The following POLD1 variants were observed in gnomAD, a reference collection of about 807,000 sequenced individuals.
The protein encoded by POLD1 is DNA polymerase delta catalytic subunit.
In POLD1, 79 loss-of-function variants were observed where a neutral mutation model predicts 129.7. The ratio of observed to expected loss-of-function variants is 0.61; its 90% CI spans 0.51 to 0.73. The LOEUF (loss-of-function observed/expected upper bound fraction) is 0.73, where lower values mean the gene tolerates loss of function less well. Among genes scored for constraint, POLD1 ranks in the 30% least tolerant of loss-of-function variants. The probability of loss-of-function intolerance (pLI) is 0.00; values close to 1 mark genes in which losing one functional copy is unlikely to be tolerated. For synonymous variants in POLD1, 714 were observed against 683.3 expected, an observed-to-expected ratio of 1.04 and a Z score of -0.70; for missense variants, 1,338 against 1,595.8, an observed-to-expected ratio of 0.84 and a Z score of 2.75.
chr19:50,401,602 A>C (rs1262184443), intron 3 of POLD1, among the ~76,000 whole-genome samples, 176 bp from the exon 4 acceptor site: 2 of 151,634 alleles, frequency 1.3e-5, no homozygotes, highest in Non-Finnish European at 2.9e-5. Context: ...TGGAGAATGG[A>C]TCCTGGGGGA....
chr19:50,401,999 G>C lies in POLD1; in HGVS notation c.464G>C (p.Gly155Ala), dbSNP rs553279670. ...CCTCTGATCATCCCTCCCACACCAG[G>C]TTTCGGGCCCGAGCACATGGGTGAC... ...APYFYTPAPP[G>A]FGPEHMGDLQ... Residue 155 changes from glycine (G) to alanine (A), a missense_variant and splice_region_variant, in exon 5 of 27, where the codon GGT (glycine) becomes GCT (alanine). Gly to Ala is a moderately conservative substitution (Grantham distance 60). Coordinates refer to ENST00000440232, the MANE Select transcript of POLD1 (RefSeq NM_002691.4). 9 of 1,614,092 alleles carry C rather than the reference G, an allele frequency of 5.6e-6. No individual in the cohort carries two copies. In the South Asian group the frequency reaches 8.8e-5, roughly 16 times the overall value.
chr19:50,411,403 C>T (rs1159454353), intron 17 of POLD1, among the ~76,000 whole-genome samples: 1 of 152,174 alleles, frequency 6.6e-6, no homozygotes, highest in Non-Finnish European at 1.5e-5. Context: ...TTGGCCCTCC[C>T]CTGGGGCTGC....
chr19:50,398,771 T>G lies in POLD1; in HGVS notation c.-1-80T>G, dbSNP rs2038464310. The G allele has an allele frequency of 2.6e-6, 4 of 1,540,768 alleles. No homozygotes were observed. In the South Asian group the frequency reaches 3.6e-5, roughly 14 times the overall value. On this transcript the variant is annotated intron_variant, in intron 1 of 26. Transcript: ENST00000440232. ...AGTAGGAAAAGGCTCGTGGTCATGGTGGGTGCATGGGATGCCATGGAGACA... is the reference window on the plus strand; with the variant it reads ...AGTAGGAAAAGGCTCGTGGTCATGGGGGGTGCATGGGATGCCATGGAGACA...
Position 50,406,994 on chromosome 19 carries a change from C to A in POLD1, c.1506C>A (p.Asp502Glu), listed in dbSNP as rs753870010. 1.2e-6 allele frequency: 2 copies of A among 1,601,822 alleles called. No individual in the cohort carries two copies. Among genetic ancestry groups the A allele is most frequent in the African/African-American group, 1.3e-5 (1 of 74,662 alleles). Residue 502 changes from aspartate to glutamate, a missense_variant, in exon 13 of 27, where the codon GAC (aspartate) becomes GAA (glutamate). Physicochemically the swap from Asp to Glu is conservative, Grantham distance 45 (BLOSUM62 2). This residue lies in a region of POLD1 where 720 missense variants were observed against 1,002.6 expected (regional missense o/e 0.72). Transcript: ENST00000440232. This position sits in a 1 kb window ranked among gnomAD's most constrained non-coding sequence, Gnocchi z 5.5. ...GTGCCCATCCCCAGAATGGGAACGACCAGACCCGCCGCCGCCTGGCTGTGT... is the reference window on the plus strand; with the variant it reads ...GTGCCCATCCCCAGAATGGGAACGAACAGACCCGCCGCCGCCTGGCTGTGT... ...SIITDLQNGN[D>E]QTRRRLAVYC...
In POLD1 at chr19:50,418,010, T is replaced by C. The variant is rs2039401019; in HGVS notation, c.*63T>C. 2.0e-6 allele frequency: 2 copies of C among 1,012,906 alleles called. No individual in the cohort carries two copies. Among genetic ancestry groups the C allele is most frequent in the East Asian group, 2.6e-5 (1 of 38,752 alleles). 62.7% of individuals were successfully genotyped at this position (1,012,906 alleles called of 1,614,324 possible). On this transcript the variant is annotated 3_prime_UTR_variant, in exon 27 of 27. Transcript: ENST00000440232. This position sits in a 1 kb window ranked among gnomAD's most constrained non-coding sequence, Gnocchi z 6.0. Reference sequence around the variant, plus strand: ...GAGAATTAATAAAGTTCTGGACTTTTGCTATATGGTGCTTTGTGGTCTCTG... The same window carrying C: ...GAGAATTAATAAAGTTCTGGACTTTCGCTATATGGTGCTTTGTGGTCTCTG...
chr19:50,396,551 C>T (rs1000144461), intron 1 of POLD1, among the ~76,000 whole-genome samples: 2 of 151,690 alleles, frequency 1.3e-5, no homozygotes, highest in African/African-American at 4.9e-5. Flanking sequence ...AATCTCAGCT[C>T]ACTGCATGCT....
intron 22 of POLD1, 59 bp from the exon 23 acceptor site, chr19:50,416,337 C>T (rs1303885876): frequency 8.5e-6 from 13 of 1,530,132 alleles, no homozygotes; most frequent in East Asian, 2.5e-5. Context: ...ATGACCACCC[C>T]GTGTCCACCC....
At chr19:50,408,610 T>C (rs763499753) in intron 14 of POLD1, 175 bp from the exon 15 acceptor site, 6 of 980,066 alleles carry the variant, frequency 6.1e-6, no homozygotes, top group Middle Eastern at 3.2e-4. Context: ...CTGAAACTCC[T>C]GAGTTCAAGC....
At chr19:50,398,827 A>C in intron 1 of POLD1, 24 bp from the exon 2 acceptor site, 1 of 1,604,490 alleles carries the variant, frequency 6.2e-7, no homozygotes, top group East Asian at 2.2e-5. Context: ...CAGAACCTCC[A>C]CCAAGCTCCA....
intron 17 of POLD1, among the ~76,000 whole-genome samples, chr19:50,410,233 A>G (rs764329269): frequency 2.2e-4 from 34 of 152,308 alleles, no homozygotes; most frequent in Non-Finnish European, 3.5e-4. Context: ...GAGATTGCCA[A>G]GCTGGGGTCA....
chr19:50,410,321 C>T (rs1025057438), intron 17 of POLD1, among the ~76,000 whole-genome samples: 2 of 152,150 alleles, frequency 1.3e-5, no homozygotes, highest in African/African-American at 4.8e-5. Flanking sequence ...TGAGTCTTGG[C>T]CCATTCCAGG....
chr19:50,393,522 T>G (rs926629993), intron 1 of POLD1, among the ~76,000 whole-genome samples: 4 of 152,000 alleles, frequency 2.6e-5, no homozygotes, highest in Non-Finnish European at 5.9e-5. Flanking sequence ...AACAATTGGC[T>G]AGGCATGGTG....
Position 50,416,985 on chromosome 19 carries a change from G to C in POLD1, c.3068-60G>C, listed in dbSNP as rs888895205. 17 of 1,499,504 alleles carry C rather than the reference G, an allele frequency of 1.1e-5. No homozygotes were observed. In the Admixed American group the frequency reaches 1.6e-4, roughly 14 times the overall value. The allele number at this position is 1,499,504 out of a possible 1,614,324, so 92.9% of individuals were successfully genotyped here. On this transcript the variant is annotated intron_variant, in intron 24 of 26. Coordinates refer to ENST00000440232, the MANE Select transcript of POLD1 (RefSeq NM_002691.4). ...GAAGCTGGGATTGGCAGTGGGCAGG[G>C]ATGGGGTGGCCCAGTTCCTGGCTGG...
At chr19:50,398,442 G>A (rs1173944021) in intron 1 of POLD1, among the ~76,000 whole-genome samples, 1 of 151,782 alleles carries the variant, frequency 6.6e-6, no homozygotes, top group Admixed American at 6.6e-5. Context: ...TGTGGTGGTG[G>A]GCGCCTGTAA....
Position 50,406,606 on chromosome 19 carries a change from G to A in POLD1, c.1494+89G>A, listed in dbSNP as rs145603532. 500 of 947,474 alleles carry A rather than the reference G, an allele frequency of 5.3e-4. 1 individual carries two copies. In the African/African-American group the frequency reaches 6.1e-3, roughly 11 times the overall value. 58.7% of individuals were successfully genotyped at this position (947,474 alleles called of 1,614,324 possible). ...TCTGACCTCAACTTCACGCCCCCAC[G>A]TCTGACCTCACTCTTTGACCTGCTG... On this transcript the variant is annotated intron_variant, in intron 12 of 26. Transcript: ENST00000440232. This position sits in a 1 kb window ranked among gnomAD's most constrained non-coding sequence, Gnocchi z 5.5.
At chr19:50,390,046 T>G (rs2038102009) in intron 1 of POLD1, among the ~76,000 whole-genome samples, 1 of 151,522 alleles carries the variant, frequency 6.6e-6, no homozygotes, top group African/African-American at 2.4e-5. Flanking sequence ...GTAGCTAGGA[T>G]TACAGGCGCC....
At position 50,417,105 on chromosome 19, in the gene POLD1, G is replaced by A. The variant is rs980825216; in HGVS notation, c.3120+8G>A. The stretch of plus-strand genomic sequence containing the variant: ...GAGCTGTATCAGAAGGAGGTGAGAG[G>A]GCCGGGAGGTGAGGAGGGGCCAGGT... On this transcript the variant is annotated splice_region_variant and intron_variant, in intron 25 of 26. Coordinates refer to ENST00000440232, the MANE Select transcript of POLD1 (RefSeq NM_002691.4). 2 of 1,562,796 alleles carry A rather than the reference G, an allele frequency of 1.3e-6. No individual in the cohort carries two copies. The highest frequency in any genetic ancestry group is 1.7e-6 in the Non-Finnish European group (2 of 1,153,126).
chr19:50,401,343 A>G (rs1490958526), intron 3 of POLD1, among the ~76,000 whole-genome samples: 1 of 127,254 alleles, frequency 7.9e-6, no homozygotes, highest in African/African-American at 3.2e-5. Flanking sequence ...TACATATAAT[A>G]TGTGTGTGTA....
At position 50,417,933 on chromosome 19, in the gene POLD1, C is replaced by A; in HGVS notation, c.3310C>A (p.Pro1104Thr). ...QLLRRFGPPG[P>T]EAW Reference sequence around the variant, plus strand: ...CCTGCGGCGCTTCGGACCCCCTGGACCTGAGGCCTGGTGACCTTGCAAGCA... The same window carrying A: ...CCTGCGGCGCTTCGGACCCCCTGGAACTGAGGCCTGGTGACCTTGCAAGCA... The change falls in exon 27 of 27, where the codon CCT becomes ACT. Residue 1104 changes from proline (P) to threonine (T), a missense_variant. This residue lies in a region of POLD1 where 286 missense variants were observed against 277.5 expected (regional missense o/e 1.03). Transcript: ENST00000440232. 6.2e-7 allele frequency: 1 copy of A among 1,607,174 alleles called. No individual in the cohort carries two copies. Among genetic ancestry groups the A allele is most frequent in the Non-Finnish European group, 8.5e-7 (1 of 1,175,796 alleles).
Sources: gnomAD v4.1 joint callset for allele counts (sites outside exome capture counted in the v4.1 genomes callset) on GRCh38, gnomAD v4.1.1 for gene constraint, gnomAD v4.1.1 regional missense constraint, Gnocchi (gnomAD v3.1) non-coding constraint, MANE v1.5 for transcripts, NCBI Gene and HGNC (gene_info 2026-07-23, HGNC 2026-07-21) for gene names.